Variants in IQGAP3 observed in about 807,000 individuals in gnomAD.
IQGAP3 encodes the protein IQ motif containing GTPase activating protein 3.
Under a neutral mutation model 208.2 loss-of-function variants are expected in IQGAP3, and 165 were observed. That is an observed-to-expected ratio of 0.79 (90% CI 0.70 to 0.90). The LOEUF (loss-of-function observed/expected upper bound fraction) is 0.90, where lower values mean the gene tolerates loss of function less well. Among genes scored for constraint, IQGAP3 ranks in the 40% least tolerant of loss-of-function variants. The pLI is 0.00. For missense variants in IQGAP3, 1,811 were observed against 2,043.1 expected (o/e 0.89, Z 2.19); for synonymous variants, 703 against 803.6 (o/e 0.87, Z 2.12).
chr1:156,566,535 G>A lies in IQGAP3; in HGVS notation c.137C>T (p.Ala46Val). ...GGAAGGAAGCTCCTCCTTCAGGCAG[G>A]CCTCCATCCAGCTATGAACATGAGA... ...RLEEAKRWMEACLKEELPSPV... is the reference protein window; with the variant it reads ...RLEEAKRWMEVCLKEELPSPV... Residue 46 changes from alanine (A) to valine (V), a missense_variant, in exon 3 of 38, where the codon GCC becomes GTC. By Grantham distance (64) the Ala-to-Val change is moderately conservative (BLOSUM62 0). Coordinates refer to ENST00000361170, the MANE Select transcript of IQGAP3 (RefSeq NM_178229.5). The A allele has an allele frequency of 6.2e-7, 1 of 1,614,034 alleles. No individual in the cohort carries two copies. The highest frequency in any genetic ancestry group is 8.5e-7 in the Non-Finnish European group (1 of 1,179,958).
At chr1:156,539,074 G>T in intron 25 of IQGAP3, 41 bp from the exon 26 acceptor site, 1 of 1,545,834 alleles carries the variant, frequency 6.5e-7, no homozygotes, top group Non-Finnish European at 8.9e-7. Flanking sequence ...TTCTGCCTCT[G>T]TGTAGGACAT....
chr1:156,566,154 C>G, intron 3 of IQGAP3, 50 bp from the exon 4 acceptor site: 2 of 1,519,626 alleles, frequency 1.3e-6, no homozygotes, highest in Non-Finnish European at 1.8e-6. Flanking sequence ...TCAGCACTCC[C>G]TATGGGTAAA....
At chr1:156,544,945 T>C (rs570472749) in intron 19 of IQGAP3, among the ~76,000 whole-genome samples, 1 of 152,314 alleles carries the variant, frequency 6.6e-6, no homozygotes, top group South Asian at 2.1e-4. Context: ...ATGCATGCAG[T>C]TGTGTGGATG....
Position 156,556,627 on chromosome 1 carries a change from T to A in IQGAP3, c.1196A>T (p.Glu399Val), listed in dbSNP as rs1571349554. 6.2e-7 allele frequency: 1 copy of A among 1,611,168 alleles called. No homozygotes were observed. Among genetic ancestry groups the A allele is most frequent in the Non-Finnish European group, 8.5e-7 (1 of 1,178,098 alleles). ...RRRVAADTVK[E>V]LMCPEAQLPP... ...CAGCTGGGCCTCAGGGCACATCAGCTCCTTCACAGTGTCAGCCGCCACTCT... is the reference window on the plus strand; with the variant it reads ...CAGCTGGGCCTCAGGGCACATCAGCACCTTCACAGTGTCAGCCGCCACTCT... The change falls in exon 12 of 38, where the codon GAG (glutamate) becomes GTG (valine). Residue 399 changes from glutamate (E) to valine (V), a missense_variant. Transcript: ENST00000361170.
chr1:156,566,631 T>G, intron 2 of IQGAP3, 85 bp from the exon 3 acceptor site: 2 of 1,331,838 alleles, frequency 1.5e-6, no homozygotes, highest in Non-Finnish European at 2.1e-6. Context: ...CTGTCCCTCC[T>G]TTTAAGTGGC....
Position 156,533,126 on chromosome 1 carries a change from G to C in IQGAP3, c.3977-20C>G. The C allele has an allele frequency of 6.2e-7, 1 of 1,613,520 alleles. No homozygotes were observed. The highest frequency in any genetic ancestry group is 8.5e-7 in the Non-Finnish European group (1 of 1,179,752). On this transcript the variant is annotated intron_variant, in intron 31 of 37. Transcript: ENST00000361170. ...TCTCACCTGAGGTGTGGTGAGGAATGAGAGGGAGACAGGCATACACACACA... is the reference window on the plus strand; with the variant it reads ...TCTCACCTGAGGTGTGGTGAGGAATCAGAGGGAGACAGGCATACACACACA...
Position 156,561,828 on chromosome 1 carries a change from A to G in IQGAP3, c.1041+10T>C. The stretch of plus-strand genomic sequence containing the variant: ...ATACAGGGGGTGGCAGGTAATAGAC[A>G]GAGGCTAACCTGTGCCTTCTGCTCT... On this transcript the variant is annotated intron_variant, in intron 10 of 37. Transcript: ENST00000361170. The G allele has an allele frequency of 1.2e-6, 2 of 1,613,708 alleles. No individual in the cohort carries two copies. The highest frequency in any genetic ancestry group is 1.7e-6 in the Non-Finnish European group (2 of 1,179,764).
chr1:156,544,723 C>A (rs980117729), intron 19 of IQGAP3, among the ~76,000 whole-genome samples: 2 of 152,184 alleles, frequency 1.3e-5, no homozygotes, highest in Non-Finnish European at 2.9e-5. Context: ...CCCACACCCA[C>A]ACACCTCTAA....
At chr1:156,537,119 C>A in intron 27 of IQGAP3, 62 bp downstream of exon 27, 1 of 1,556,190 alleles carries the variant, frequency 6.4e-7, no homozygotes, top group Admixed American at 1.7e-5. Context: ...GCTCTGCTCC[C>A]CATGGTGGCC....
intron 36 of IQGAP3, 144 bp from the exon 37 acceptor site, chr1:156,528,204 G>T: frequency 1.5e-6 from 1 of 664,888 alleles, no homozygotes; most frequent in Non-Finnish European, 2.7e-6. Context: ...GGCCCAGCTC[G>T]CTGTCTTCTC....
rs756308589 is a variant in IQGAP3, at chr1:156,563,553, C to T, written c.619G>A (p.Val207Ile). 9.9e-6 allele frequency: 16 copies of T among 1,612,064 alleles called. No homozygotes were observed. Among genetic ancestry groups the T allele is most frequent in the Non-Finnish European group, 1.4e-5 (16 of 1,178,836 alleles). ...TGGCAGGGCAGAGCCTAGTCCTTAC[C>T]TGCAGCCTCATCCACCGAGAGCTCA... ...ANELSVDEAA[V>I]HAAVLAINEA... Residue 207 changes from valine (V) to isoleucine (I), a missense_variant and splice_region_variant, in exon 7 of 38, where the codon GTC becomes ATC. By Grantham distance (29) the Val-to-Ile change is conservative (BLOSUM62 3). Transcript: ENST00000361170.
chr1:156,548,807 T>C, intron 16 of IQGAP3, 59 bp from the exon 17 acceptor site: 1 of 1,480,484 alleles, frequency 6.8e-7, no homozygotes, highest in South Asian at 1.4e-5. Context: ...CCCATGGGCC[T>C]TGGCCAGTCC....
At chr1:156,562,865 A>C (rs114210236) in intron 8 of IQGAP3, among the ~76,000 whole-genome samples, 200 bp from the exon 9 acceptor site, 1,848 of 152,346 alleles carry the variant, frequency 0.012, 21 homozygotes, top group Non-Finnish European at 0.021. Flanking sequence ...TGGAACCTCC[A>C]GTCCAATCTC....
chr1:156,556,773 CG>C, intron 11 of IQGAP3, 80 bp from the exon 12 acceptor site: 1 of 1,298,308 alleles, frequency 7.7e-7, no homozygotes, highest in Non-Finnish European at 1.0e-6. Flanking sequence ...TAGGCTCCGC[CG>C]GGGGATCTTG....
intron 24 of IQGAP3, 66 bp from the exon 25 acceptor site, chr1:156,539,603 A>G (rs773783818): frequency 3.9e-6 from 6 of 1,532,258 alleles, no homozygotes; most frequent in Non-Finnish European, 5.4e-6. Context: ...TAGGATAAGG[A>G]AAGGCTTTCC....
At position 156,530,277 on chromosome 1, in the gene IQGAP3, C is replaced by T. The variant is rs772302314; in HGVS notation, c.4232G>A (p.Cys1411Tyr). The change falls in exon 34 of 38, where the codon TGT (cysteine) becomes TAT (tyrosine). Residue 1411 changes from cysteine to tyrosine, a missense_variant. Cys to Tyr is a radical substitution (Grantham distance 194). Coordinates refer to ENST00000361170, the MANE Select transcript of IQGAP3 (RefSeq NM_178229.5). ...HKQLMSRRQA[C>Y]TAQTPEPLRR... The stretch of plus-strand genomic sequence containing the variant: ...CAGTGGCTCCGGTGTCTGGGCTGTA[C>T]AGGCCTGGCGTCGGCTCATCAGCTG... 6.2e-7 allele frequency: 1 copy of T among 1,611,628 alleles called. No homozygotes were observed. Among genetic ancestry groups the T allele is most frequent in the South Asian group, 1.1e-5 (1 of 90,870 alleles).
chr1:156,534,655 C>T lies in IQGAP3; in HGVS notation c.3586G>A (p.Ala1196Thr). ...GGGGCAGCCAGGGCTCCACCAGCTGCCATGGCCACAATGTCGAAGGCGTCA... is the reference window on the plus strand; with the variant it reads ...GGGGCAGCCAGGGCTCCACCAGCTGTCATGGCCACAATGTCGAAGGCGTCA... ...APDAFDIVAM[A>T]AGGALAAPQR... Residue 1196 changes from alanine (A) to threonine (T), a missense_variant, in exon 29 of 38, where the codon GCA becomes ACA. Physicochemically the swap from Ala to Thr is moderately conservative, Grantham distance 58. Coordinates refer to ENST00000361170, the MANE Select transcript of IQGAP3 (RefSeq NM_178229.5). 6.2e-7 allele frequency: 1 copy of T among 1,611,980 alleles called. No individual in the cohort carries two copies. Among genetic ancestry groups the T allele is most frequent in the Non-Finnish European group, 8.5e-7 (1 of 1,179,620 alleles).
chr1:156,532,972 T>C lies in IQGAP3; in HGVS notation c.4103+8A>G. ...AGGTATGCAGGGGCAGAGGCTGGCA[T>C]CACCCACCTCAGAAGCAGGCTACGG... is the stretch of plus-strand genomic sequence containing the variant. On this transcript the variant is annotated splice_region_variant and intron_variant, in intron 32 of 37. Coordinates refer to ENST00000361170, the MANE Select transcript of IQGAP3 (RefSeq NM_178229.5). 1 of 1,613,804 alleles carries C rather than the reference T, an allele frequency of 6.2e-7. No individual in the cohort carries two copies. The highest frequency in any genetic ancestry group is 8.5e-7 in the Non-Finnish European group (1 of 1,179,834).
intron 35 of IQGAP3, 105 bp downstream of exon 35, chr1:156,528,811 G>T: frequency 7.3e-7 from 1 of 1,362,830 alleles, no homozygotes; most frequent in Non-Finnish European, 1.0e-6. Flanking sequence ...GTGCTGTGCT[G>T]GGTGAGATTC....
Sources: gnomAD v4.1 joint callset for allele counts (sites outside exome capture counted in the v4.1 genomes callset) on GRCh38, gnomAD v4.1.1 for gene constraint, MANE v1.5 for transcripts, NCBI Gene and HGNC (gene_info 2026-07-23, HGNC 2026-07-21) for gene names.